Variants in PXDNL observed in about 807,000 individuals in gnomAD.
PXDNL encodes probable oxidoreductase PXDNL.
PXDNL carries 145 observed loss-of-function variants against 150.8 expected under a neutral mutation model. The ratio of observed to expected loss-of-function variants is 0.96; its 90% confidence interval spans 0.84 to 1.10. The LOEUF is 1.10. Among genes scored for constraint, PXDNL ranks in the 50% least tolerant of loss-of-function variants. The pLI is 0.00. For synonymous variants in PXDNL, 757 were observed against 725.7 expected (o/e 1.04, Z -0.69); for missense variants, 2,087 against 1,873.9 (o/e 1.11, Z -2.10).
At chr8:51,469,825 C>G (rs1359951585) in intron 8 of PXDNL, among the ~76,000 whole-genome samples, 4 of 152,068 alleles carry the variant, frequency 2.6e-5, no homozygotes, top group African/African-American at 9.7e-5. Context: ...AATAGTTACT[C>G]ATGTTAAACA....
chr8:51,559,665 A>G (rs1354347076), intron 3 of PXDNL, among the ~76,000 whole-genome samples: 1 of 151,984 alleles, frequency 6.6e-6, no homozygotes, highest in African/African-American at 2.4e-5. Context: ...ACTCTGGCAG[A>G]AGGGGTAGAA....
At chr8:51,703,115 G>A (rs1816292134) in intron 1 of PXDNL, among the ~76,000 whole-genome samples, 1 of 152,152 alleles carries the variant, frequency 6.6e-6, no homozygotes, top group South Asian at 2.1e-4. Context: ...TATACTGTGT[G>A]CAAAGCTGCT....
chr8:51,381,444 A>G (rs1290391202), intron 17 of PXDNL, among the ~76,000 whole-genome samples: 1 of 152,152 alleles, frequency 6.6e-6, no homozygotes, highest in Non-Finnish European at 1.5e-5. Context: ...GGTAAGAACT[A>G]AATTTTAATT....
At chr8:51,583,749 A>G (rs1003725752) in intron 3 of PXDNL, among the ~76,000 whole-genome samples, 3 of 152,192 alleles carry the variant, frequency 2.0e-5, no homozygotes, top group African/African-American at 7.2e-5. Context: ...AGATGGATAG[A>G]TGGATATTAG....
At chr8:51,618,415 C>A (rs10101697) in intron 2 of PXDNL, among the ~76,000 whole-genome samples, 1 of 152,152 alleles carries the variant, frequency 6.6e-6, no homozygotes, top group Admixed American at 6.5e-5. Flanking sequence ...AACTGGGAAC[C>A]AGGCATCATG....
intron 2 of PXDNL, among the ~76,000 whole-genome samples, chr8:51,650,011 GAGA>G (rs1232375233): frequency 1.3e-5 from 2 of 149,952 alleles, no homozygotes; most frequent in Non-Finnish European, 2.9e-5. Flanking sequence ...GCTGAGGCAG[GAGA>G]ATCACTTAAA....
intron 21 of PXDNL, among the ~76,000 whole-genome samples, chr8:51,339,365 C>T (rs1805922672): frequency 6.6e-6 from 1 of 152,112 alleles, no homozygotes; most frequent in South Asian, 2.1e-4. Context: ...GAGGCTGAGG[C>T]AGAAGAATCA....
chr8:51,547,066 C>G (rs1197564270), intron 4 of PXDNL, among the ~76,000 whole-genome samples: 1 of 152,144 alleles, frequency 6.6e-6, no homozygotes, highest in Admixed American at 6.5e-5. Flanking sequence ...TCTACCTGCC[C>G]TTATAGCCAA....
At chr8:51,576,686 A>C (rs60161271) in intron 3 of PXDNL, among the ~76,000 whole-genome samples, 7,726 of 151,852 alleles carry the variant, frequency 0.051, 461 homozygotes, top group African/African-American at 0.15. Context: ...TGAAATTCAA[A>C]ACAGATAAAC....
intron 5 of PXDNL, among the ~76,000 whole-genome samples, chr8:51,498,715 G>T (rs944255066): frequency 2.0e-5 from 3 of 152,128 alleles, no homozygotes; most frequent in African/African-American, 7.2e-5. Context: ...GCCTACGGAG[G>T]CTCCTCCTGC....
At chr8:51,574,497 A>T (rs1419381904) in intron 3 of PXDNL, among the ~76,000 whole-genome samples, 3 of 152,048 alleles carry the variant, frequency 2.0e-5, no homozygotes, top group African/African-American at 7.2e-5. Flanking sequence ...GGATGAGGCT[A>T]AAAAGTCTTT....
intron 20 of PXDNL, 45 bp from the exon 21 acceptor site, chr8:51,339,798 G>T (rs372116972): frequency 4.7e-5 from 73 of 1,562,870 alleles, no homozygotes; most frequent in Non-Finnish European, 5.5e-5. Context: ...AATAAAAGTC[G>T]TGTGAGAATT....
intron 1 of PXDNL, among the ~76,000 whole-genome samples, chr8:51,792,835 C>T (rs958138160): frequency 4.6e-5 from 7 of 152,360 alleles, no homozygotes; most frequent in Middle Eastern, 3.4e-3. Context: ...TCTGATCTTC[C>T]TGGGACTGAG....
intron 5 of PXDNL, among the ~76,000 whole-genome samples, chr8:51,487,029 G>A (rs557431431): frequency 6.6e-6 from 1 of 151,544 alleles, no homozygotes; most frequent in Non-Finnish European, 1.5e-5. Flanking sequence ...TCTTGACCTC[G>A]TGATCGGCCC....
chr8:51,805,955 A>AT (rs1276383462), intron 1 of PXDNL, among the ~76,000 whole-genome samples: 1 of 152,092 alleles, frequency 6.6e-6, no homozygotes, highest in Non-Finnish European at 1.5e-5. Context: ...ATTACTGGAC[A>AT]TTTTTTTGTT....
chr8:51,685,186 A>T (rs537943588), intron 1 of PXDNL, among the ~76,000 whole-genome samples: 1 of 152,036 alleles, frequency 6.6e-6, no homozygotes, highest in Non-Finnish European at 1.5e-5. Flanking sequence ...CACTCTGACA[A>T]CTCTACTAGA....
chr8:51,595,451 T>C (rs1813544201), intron 2 of PXDNL, among the ~76,000 whole-genome samples: 1 of 152,152 alleles, frequency 6.6e-6, no homozygotes, highest in Non-Finnish European at 1.5e-5. Flanking sequence ...ACTAGGATAA[T>C]GCCAAGATTT....
At chr8:51,320,086 T>G in intron 22 of PXDNL, 64 bp from the exon 23 acceptor site, 4 of 1,241,614 alleles carry the variant, frequency 3.2e-6, no homozygotes, top group Admixed American at 7.6e-5. Flanking sequence ...AAAAGACAAA[T>G]AAATGTTTCT....
rs147708699 is a variant in PXDNL at position 51,408,492 on chromosome 8, G to T, written c.3132C>A (p.Ile1044=). The T allele has an allele frequency of 6.2e-7, 1 of 1,613,506 alleles. No individual in the cohort carries two copies. The change falls in exon 17 of 23, where the codon ATC becomes ATA. Residue 1044 remains isoleucine, a synonymous_variant. Transcript: ENST00000356297. The stretch of plus-strand genomic sequence containing the variant: ...AGGCTGCAGTAGCAAAAGAGTTAAT[G>T]ATGCCTGCATTCACGTTGGGGTTGT... ...RGYNPNVNAG[I]INSFATAAFR...
Sources: gnomAD v4.1 joint callset for allele counts (sites outside exome capture counted in the v4.1 genomes callset) on GRCh38, gnomAD v4.1.1 for gene constraint, MANE v1.5 for transcripts, NCBI Gene and HGNC (gene_info 2026-07-23, HGNC 2026-07-21) for gene names.